Variants in PAPPA2 observed in about 807,000 individuals in gnomAD.
The protein encoded by PAPPA2 is pappalysin-2.
A neutral mutation model predicts 176.4 loss-of-function variants in PAPPA2; 86 were observed. The ratio of observed to expected loss-of-function variants is 0.49; its 90% CI spans 0.41 to 0.58. The LOEUF is 0.58. PAPPA2 is among the 20% of genes least tolerant of loss of function. The pLI is 0.00. For missense variants in PAPPA2, 2,073 were observed against 2,256.9 expected (o/e 0.92, Z 1.65); for synonymous variants, 809 against 852.2 (o/e 0.95, Z 0.88).
At chr1:176,744,810 A>AT (rs1662835304) in intron 14 of PAPPA2, among the ~76,000 whole-genome samples, 2 of 152,100 alleles carry the variant, frequency 1.3e-5, no homozygotes, top group African/African-American at 4.8e-5. Context: ...TAACTCCAAT[A>AT]TTTTTTTCAA....
chr1:176,735,700 CTATCT>C (rs1438569488), intron 12 of PAPPA2, among the ~76,000 whole-genome samples: 1 of 146,362 alleles, frequency 6.8e-6, no homozygotes, highest in Non-Finnish European at 1.5e-5. Flanking sequence ...ATCTATCTAT[CTATCT>C]ATCTATCTAT....
intron 3 of PAPPA2, 81 bp downstream of exon 3, chr1:176,595,676 T>C: frequency 7.4e-7 from 1 of 1,342,940 alleles, no homozygotes; most frequent in Non-Finnish European, 1.0e-6. Flanking sequence ...TGGAGGCAAA[T>C]GTGTTCACAC....
chr1:176,563,981 CT>C (rs949566333), intron 2 of PAPPA2, among the ~76,000 whole-genome samples: 10 of 152,072 alleles, frequency 6.6e-5, no homozygotes, highest in Non-Finnish European at 1.3e-4. Context: ...TTCCTTCCCT[CT>C]TTTTTTTCCT....
intron 2 of PAPPA2, among the ~76,000 whole-genome samples, chr1:176,569,796 C>G (rs1017617512): frequency 5.3e-5 from 8 of 152,150 alleles, no homozygotes; most frequent in African/African-American, 1.9e-4. Flanking sequence ...TGAACTAATT[C>G]TATTTGGAAG....
At chr1:176,630,741 C>A (rs149629693) in intron 3 of PAPPA2, among the ~76,000 whole-genome samples, 9 of 152,278 alleles carry the variant, frequency 5.9e-5, no homozygotes, top group African/African-American at 2.2e-4. Context: ...CACATGTATT[C>A]ATGGCATAGA....
intron 1 of PAPPA2, among the ~76,000 whole-genome samples, chr1:176,522,782 T>C (rs939700634): frequency 6.6e-6 from 1 of 152,110 alleles, no homozygotes; most frequent in Non-Finnish European, 1.5e-5. Flanking sequence ...TCTTTCTAAC[T>C]CTTCCACTTT....
At chr1:176,487,103 T>A (rs1384321093) in intron 1 of PAPPA2, among the ~76,000 whole-genome samples, 1 of 152,188 alleles carries the variant, frequency 6.6e-6, no homozygotes, top group Non-Finnish European at 1.5e-5. Context: ...CCTCAGATAA[T>A]TTGACATCAA....
At chr1:176,746,972 A>G (rs570316436) in intron 14 of PAPPA2, among the ~76,000 whole-genome samples, 24 of 152,314 alleles carry the variant, frequency 1.6e-4, no homozygotes, top group African/African-American at 5.3e-4. Flanking sequence ...AAGTGACTCA[A>G]TGGAACAGGC....
Position 176,500,785 on chromosome 1 carries a change from G to A in PAPPA2, c.-917+37367G>A, listed in dbSNP as rs1416780535. Among the ~76,000 whole-genome samples, 6 of 151,288 alleles carry A rather than the reference G, an allele frequency of 4.0e-5. No individual in the cohort carries two copies. In the South Asian group the frequency reaches 6.2e-4, roughly 16 times the overall value. On this transcript the variant is annotated intron_variant, in intron 1 of 22. Coordinates refer to ENST00000367662, the MANE Select transcript of PAPPA2 (RefSeq NM_020318.3). Reference sequence around the variant, plus strand: ...TACCAATTTCCCCTAACCTATGTATGTGATAACATAAATCTAAACCATGGT... The same window carrying A: ...TACCAATTTCCCCTAACCTATGTATATGATAACATAAATCTAAACCATGGT...
At chr1:176,499,070 G>A (rs1572972077) in intron 1 of PAPPA2, among the ~76,000 whole-genome samples, 2 of 151,960 alleles carry the variant, frequency 1.3e-5, no homozygotes, top group East Asian at 3.9e-4. Flanking sequence ...CTAGCATATT[G>A]GGTGACGCAG....
intron 1 of PAPPA2, among the ~76,000 whole-genome samples, chr1:176,505,160 G>A (rs138597447): frequency 5.9e-5 from 9 of 152,082 alleles, no homozygotes; most frequent in South Asian, 2.1e-4. Context: ...CAAAAAACCC[G>A]TTAATAAATA....
At chr1:176,528,438 T>G (rs1282069083) in intron 1 of PAPPA2, among the ~76,000 whole-genome samples, 1 of 152,206 alleles carries the variant, frequency 6.6e-6, no homozygotes, top group Non-Finnish European at 1.5e-5. Flanking sequence ...CAAATTCATA[T>G]CAGCTTCAAA....
At position 176,556,488 on chromosome 1, in the gene PAPPA2, G is replaced by T. The variant is rs747449915; in HGVS notation, c.166G>T (p.Val56Phe). 10 of 1,614,172 alleles carry T rather than the reference G, an allele frequency of 6.2e-6. No homozygotes were observed. Among genetic ancestry groups the T allele is most frequent in the Non-Finnish European group, 8.5e-6 (10 of 1,180,028 alleles). Reference protein sequence around the residue: ...EGERCWLGAKVRRPRASPQHH... With the variant: ...EGERCWLGAKFRRPRASPQHH... ...AGAACGTTGTTGGCTGGGGGCCAAG[G>T]TTCGAAGACCCAGAGCTTCTCCACA... The change falls in exon 2 of 23, where the codon GTT becomes TTT. Residue 56 changes from valine to phenylalanine, a missense_variant. Coordinates refer to ENST00000367662, the MANE Select transcript of PAPPA2 (RefSeq NM_020318.3).
At position 176,690,301 on chromosome 1, in the gene PAPPA2, G is replaced by C; in HGVS notation, c.2302G>C (p.Gly768Arg). Reference sequence around the variant, plus strand: ...GGAGACAGTGCCATCCATGGAAACGGGAGACCTCTGTGCCGACACCGCCCC... The same window carrying C: ...GGAGACAGTGCCATCCATGGAAACGCGAGACCTCTGTGCCGACACCGCCCC... ...CKETVPSMETGDLCADTAPTP... is the reference protein window; with the variant it reads ...CKETVPSMETRDLCADTAPTP... Residue 768 changes from glycine to arginine, a missense_variant, in exon 5 of 23, where the codon GGA becomes CGA. Physicochemically the swap from Gly to Arg is moderately radical, Grantham distance 125. Transcript: ENST00000367662. 3 of 1,614,084 alleles carry C rather than the reference G, an allele frequency of 1.9e-6. No homozygotes were observed. Among genetic ancestry groups the C allele is most frequent in the Non-Finnish European group, 2.5e-6 (3 of 1,179,982 alleles).
At chr1:176,790,825 T>C (rs1014175044) in intron 18 of PAPPA2, among the ~76,000 whole-genome samples, 1 of 152,182 alleles carries the variant, frequency 6.6e-6, no homozygotes, top group African/African-American at 2.4e-5. Flanking sequence ...AGCACACATG[T>C]GGAGAAAGGG....
chr1:176,783,663 A>G (rs1664812061), intron 17 of PAPPA2, among the ~76,000 whole-genome samples: 2 of 152,206 alleles, frequency 1.3e-5, no homozygotes, highest in South Asian at 4.1e-4. Flanking sequence ...GATACCATTT[A>G]CAGTGTAAGG....
Position 176,740,024 on chromosome 1 carries a change from G to A in PAPPA2, c.3979G>A (p.Val1327Met). ...CCAGCATAATCCACTGATTATCAAT[G>A]TGACCCATCACCAGAATGTCCTTTT... ...SCQHNPLIINVTHHQNVLFHH... is the reference protein window; with the variant it reads ...SCQHNPLIINMTHHQNVLFHH... The change falls in exon 14 of 23, where the codon GTG becomes ATG. Residue 1327 changes from valine (V) to methionine (M), a missense_variant. By Grantham distance (21) the Val-to-Met change is conservative (BLOSUM62 1). Around this residue, in one of 4 missense-constraint regions of PAPPA2, gnomAD observed 846 missense variants for 857.9 expected, o/e 0.99. Transcript: ENST00000367662. 6 of 1,613,900 alleles carry A rather than the reference G, an allele frequency of 3.7e-6. No homozygotes were observed. In the South Asian group the frequency reaches 6.6e-5, roughly 18 times the overall value.
intron 4 of PAPPA2, among the ~76,000 whole-genome samples, chr1:176,686,528 A>G (rs1189742809): frequency 2.6e-5 from 4 of 152,154 alleles, no homozygotes; most frequent in Admixed American, 2.6e-4. Context: ...CTATATCACC[A>G]TTGGAGAGGG....
chr1:176,708,621 G>A (rs968480448), intron 10 of PAPPA2, among the ~76,000 whole-genome samples: 3 of 152,022 alleles, frequency 2.0e-5, no homozygotes, highest in African/African-American at 7.2e-5. Context: ...CTTTGAGTAG[G>A]TTTGGTGAAA....
Sources: allele counts gnomAD v4.1 joint callset (sites outside exome capture counted in the v4.1 genomes callset), GRCh38; gene constraint gnomAD v4.1.1; regional missense constraint gnomAD v4.1.1; transcripts MANE v1.5; gene names NCBI Gene and HGNC (gene_info 2026-07-23, HGNC 2026-07-21).